CSMD1: variants seen among roughly 807,000 people sequenced by gnomAD.
CSMD1 encodes the protein CUB and sushi domain-containing protein 1.
Under a neutral mutation model 417.5 loss-of-function variants are expected in CSMD1, and 213 were observed. The observed-to-expected ratio is 0.51, with a 90% CI of 0.46 to 0.57. The LOEUF is 0.57. Ranked by LOEUF, CSMD1 falls within the 20% of genes least tolerant of loss-of-function variation. The pLI is 0.00. For missense variants in CSMD1, 6,923 were observed against 4,529.7 expected, an observed-to-expected ratio of 1.53 and a Z score of -15.17; for synonymous variants, 2,862 against 1,736.8, an observed-to-expected ratio of 1.65 and a Z score of -16.11.
chr8:4,792,722 G>T (rs1251737967), intron 1 of CSMD1, among the ~76,000 whole-genome samples: 1 of 152,184 alleles, frequency 6.6e-6, no homozygotes, highest in Non-Finnish European at 1.5e-5. Flanking sequence ...GAGCTGCCAA[G>T]AAGCTGCATT....
intron 3 of CSMD1, among the ~76,000 whole-genome samples, chr8:4,282,198 T>A (rs1029167416): frequency 5.3e-5 from 8 of 152,246 alleles, no homozygotes; most frequent in African/African-American, 1.9e-4. Context: ...CAATAGTGAT[T>A]TTTTGTGAAA....
chr8:3,181,241 G>A (rs11785446), intron 36 of CSMD1, 27 bp from the exon 37 acceptor site: 2 of 1,454,952 alleles, frequency 1.4e-6, no homozygotes, highest in South Asian at 1.2e-5. Context: ...AGATAGAATT[G>A]TAACACTACA....
intron 2 of CSMD1, among the ~76,000 whole-genome samples, chr8:4,538,416 G>A (rs1443022753): frequency 1.3e-5 from 2 of 152,014 alleles, no homozygotes; most frequent in African/African-American, 4.8e-5. Flanking sequence ...GCCGAGGCAG[G>A]GAGATCACCT....
intron 7 of CSMD1, among the ~76,000 whole-genome samples, chr8:3,652,268 G>GT (rs1797895888): frequency 1.3e-5 from 2 of 151,256 alleles, no homozygotes; most frequent in South Asian, 4.2e-4. Flanking sequence ...ACCACCATCA[G>GT]TGCGCTTACC....
intron 68 of CSMD1, among the ~76,000 whole-genome samples, chr8:2,945,488 T>A (rs954067475): frequency 6.6e-6 from 1 of 152,228 alleles, no homozygotes; most frequent in Non-Finnish European, 1.5e-5. Flanking sequence ...TTTGCCTATA[T>A]CTACACATTA....
At chr8:3,187,641 T>C (rs1168695389) in intron 36 of CSMD1, among the ~76,000 whole-genome samples, 2 of 152,160 alleles carry the variant, frequency 1.3e-5, no homozygotes, top group Non-Finnish European at 2.9e-5. Flanking sequence ...AGCTCTGCTA[T>C]CTGACACTTT....
intron 5 of CSMD1, among the ~76,000 whole-genome samples, chr8:3,927,738 G>T (rs559703711): frequency 1.1e-4 from 16 of 152,072 alleles, no homozygotes; most frequent in East Asian, 1.9e-4. Context: ...AAAAAAAGAA[G>T]ATGCTAATTT....
chr8:4,616,705 C>G (rs1464544234), intron 2 of CSMD1, among the ~76,000 whole-genome samples: 1 of 152,154 alleles, frequency 6.6e-6, no homozygotes, highest in Admixed American at 6.5e-5. Flanking sequence ...ACTCATTTGT[C>G]ACTTATCCAA....
chr8:3,001,735 C>T (rs1335245142), intron 52 of CSMD1, among the ~76,000 whole-genome samples: 3 of 151,994 alleles, frequency 2.0e-5, no homozygotes, highest in Admixed American at 1.3e-4. Flanking sequence ...CTACAGAAGC[C>T]TTCAGTCCAT....
chr8:3,353,639 A>C (rs925872203), intron 21 of CSMD1, among the ~76,000 whole-genome samples: 16 of 152,348 alleles, frequency 1.1e-4, no homozygotes, highest in South Asian at 8.3e-4. Context: ...TAAGTGACCA[A>C]AATTTCAAAA....
At chr8:4,951,153 T>C (rs1439928784) in intron 1 of CSMD1, among the ~76,000 whole-genome samples, 3 of 152,134 alleles carry the variant, frequency 2.0e-5, no homozygotes, top group Non-Finnish European at 4.4e-5. Context: ...TCCCCTTGTT[T>C]CTGCATCACT....
chr8:4,994,185 T>C, intron 1 of CSMD1, 147 bp downstream of exon 1: 1 of 678,204 alleles, frequency 1.5e-6, no homozygotes, highest in Non-Finnish European at 2.5e-6. Flanking sequence ...CTCCCGTGCA[T>C]CGCGTTCCCC....
intron 5 of CSMD1, among the ~76,000 whole-genome samples, chr8:3,829,189 T>G (rs148061706): frequency 0.011 from 1,641 of 152,216 alleles, 31 homozygotes; most frequent in African/African-American, 0.037. Context: ...CCTTTCACTT[T>G]TCCCCCAAGT....
At chr8:3,763,607 A>T (rs1182729703) in intron 5 of CSMD1, among the ~76,000 whole-genome samples, 1 of 152,106 alleles carries the variant, frequency 6.6e-6, no homozygotes, top group Non-Finnish European at 1.5e-5. Context: ...GAGCCAAATA[A>T]ACCTCTGTTT....
intron 6 of CSMD1, among the ~76,000 whole-genome samples, chr8:3,724,246 G>C (rs1041117850): frequency 6.6e-6 from 1 of 151,256 alleles, no homozygotes; most frequent in Non-Finnish European, 1.5e-5. Flanking sequence ...TGTGCACATT[G>C]TGCAGGTTAG....
rs140613268 is a variant in CSMD1 at position 4,429,846 on chromosome 8, G to A, written c.303-9781C>T. ...CTCATTGGCTCGGGAAGAAATCCAC[G>A]CCCATTCAGTTAAGTTCTATGAAAT... On this transcript the variant is annotated intron_variant, in intron 2 of 69. Coordinates refer to ENST00000635120, the MANE Select transcript of CSMD1 (RefSeq NM_033225.6). Among the ~76,000 whole-genome samples, 547 of 152,156 alleles carry A rather than the reference G, an allele frequency of 3.6e-3. 4 individuals are homozygous for A. Among genetic ancestry groups the A allele is most frequent in the African/African-American group, 0.013 (529 of 41,520 alleles).
chr8:4,733,542 G>C (rs293890), intron 1 of CSMD1, among the ~76,000 whole-genome samples: 151,047 of 152,346 alleles, frequency 0.99, 74,882 homozygotes, highest in East Asian at 1. Flanking sequence ...ATAGTGCATT[G>C]CCCATTTAAA....
chr8:4,366,504 A>C (rs1563099172), intron 3 of CSMD1, among the ~76,000 whole-genome samples: 4 of 152,186 alleles, frequency 2.6e-5, no homozygotes, highest in African/African-American at 9.6e-5. Context: ...AAAACTCCAC[A>C]GTTTTCCACA....
At chr8:4,303,420 CTGTTTTTTTTTT>C (rs772185555) in intron 3 of CSMD1, among the ~76,000 whole-genome samples, 4,547 of 91,032 alleles carry the variant, frequency 0.05, 85 homozygotes, top group Middle Eastern at 0.12. Flanking sequence ...GGGCAGGAAG[CTGTTTTTTTTTT>C]TTTTTTTTTT....
Sources: allele counts gnomAD v4.1 joint callset (sites outside exome capture counted in the v4.1 genomes callset), GRCh38; gene constraint gnomAD v4.1.1; transcripts MANE v1.5; gene names NCBI Gene and HGNC (gene_info 2026-07-23, HGNC 2026-07-21).